CCT6A: variants seen among roughly 807,000 people sequenced by gnomAD.
CCT6A encodes the protein T-complex protein 1 subunit zeta.
In CCT6A, 6 loss-of-function variants were observed where a neutral mutation model predicts 58.6. That is an observed-to-expected ratio of 0.10 (90% CI 0.06 to 0.20). The LOEUF (loss-of-function observed/expected upper bound fraction) is 0.20, where lower values mean the gene tolerates loss of function less well. CCT6A is among the 10% of genes least tolerant of loss of function. The pLI is 1.00. For missense variants in CCT6A, 516 were observed against 648.8 expected (o/e 0.80, Z 2.22); for synonymous variants, 245 against 227.8 (o/e 1.08, Z -0.68).
At chr7:56,061,706 T>G in intron 11 of CCT6A, 41 bp from the exon 12 acceptor site, 1 of 784,116 alleles carries the variant, frequency 1.3e-6, no homozygotes, top group African/African-American at 1.9e-5. Flanking sequence ...CTATCAGTTA[T>G]TAGTTCCTGT....
Position 56,055,744 on chromosome 7 carries a change from A to G in CCT6A, c.457A>G (p.Arg153Gly). 3 of 1,613,732 alleles carry G rather than the reference A, an allele frequency of 1.9e-6. No homozygotes were observed. The highest frequency in any genetic ancestry group is 2.5e-6 in the Non-Finnish European group (3 of 1,179,634). ...MDRETLIDVA[R>G]TSLRTKVHAE... is the part of the protein sequence containing the mutation. ...CAGGGAAACACTTATAGATGTGGCC[A>G]GAACATCTCTTCGTACTAAAGTTCA... The change falls in exon 4 of 14, where the codon AGA (arginine) becomes GGA (glycine). Residue 153 changes from arginine to glycine, a missense_variant. Physicochemically the swap from Arg to Gly is moderately radical, Grantham distance 125. Coordinates refer to ENST00000275603, the MANE Select transcript of CCT6A (RefSeq NM_001762.4).
rs368585749 is a variant in CCT6A at position 56,055,788 on chromosome 7, C to G, written c.501C>G (p.Val167=). 1.2e-6 allele frequency: 2 copies of G among 1,612,540 alleles called. No individual in the cohort carries two copies. Among genetic ancestry groups the G allele is most frequent in the African/African-American group, 1.3e-5 (1 of 74,856 alleles). The change falls in exon 4 of 14, where the codon GTC becomes GTG. Residue 167 remains valine, a synonymous_variant. Coordinates refer to ENST00000275603, the MANE Select transcript of CCT6A (RefSeq NM_001762.4). ...AAGTTCATGCTGAACTTGCAGATGT[C>G]TTAACAGAGGTATGTATTAAATTTT... The part of the protein sequence containing the change: ...RTKVHAELAD[V]LTEAVVDSIL...
intron 11 of CCT6A, among the ~76,000 whole-genome samples, chr7:56,061,393 T>A (rs1408624011): frequency 7.5e-5 from 11 of 146,094 alleles, no homozygotes; most frequent in African/African-American, 2.5e-5. Flanking sequence ...TTTTTTTTTT[T>A]TGAGACAGTT....
chr7:56,056,710 G>A (rs1035811872), intron 5 of CCT6A, among the ~76,000 whole-genome samples: 1 of 150,164 alleles, frequency 6.7e-6, no homozygotes, highest in Non-Finnish European at 1.5e-5. Flanking sequence ...TGACAAGAGC[G>A]AAACCCCGTC....
intron 2 of CCT6A, among the ~76,000 whole-genome samples, 166 bp from the exon 3 acceptor site, chr7:56,054,203 A>G (rs753087613): frequency 6.6e-6 from 1 of 152,256 alleles, no homozygotes; most frequent in Non-Finnish European, 1.5e-5. Flanking sequence ...CGTTTCAATC[A>G]TTATAATTGC....
rs773625806 is a variant in CCT6A, at chr7:56,058,638, T to C, written c.904T>C (p.Leu302=). Reference sequence around the variant, plus strand: ...GTTACAGGGAATTGACCCCTTTTCCTTAGATGCTCTTTCAAAAGAAGGCAT... The same window carrying C: ...GTTACAGGGAATTGACCCCTTTTCCCTAGATGCTCTTTCAAAAGAAGGCAT... ...INQKGIDPFS[L]DALSKEGIVA... is the part of the protein sequence containing the mutation. Residue 302 remains leucine (L), a synonymous_variant, in exon 8 of 14, where the codon TTA becomes CTA. Coordinates refer to ENST00000275603, the MANE Select transcript of CCT6A (RefSeq NM_001762.4). 6.2e-7 allele frequency: 1 copy of C among 1,606,524 alleles called. No homozygotes were observed. The highest frequency in any genetic ancestry group is 8.5e-7 in the Non-Finnish European group (1 of 1,173,644).
intron 1 of CCT6A, 47 bp downstream of exon 1, chr7:56,052,032 C>T (rs1794104176): frequency 1.4e-6 from 2 of 1,383,612 alleles, no homozygotes; most frequent in South Asian, 1.7e-5. Context: ...CGCGCGCCGC[C>T]GCGCTCCTGG....
At position 56,057,118 on chromosome 7, in the gene CCT6A, T is replaced by C. The variant is rs118066511; in HGVS notation, c.614+704T>C. Among the ~76,000 whole-genome samples the C allele has an allele frequency of 2.6e-3, 395 of 152,202 alleles. 2 individuals are homozygous for C. Among genetic ancestry groups the C allele is most frequent in the Non-Finnish European group, 4.0e-3 (270 of 68,012 alleles). ...AAATATCTTTGGATATAAAATGTTA[T>C]ATATTTACCTGAAGATATAAGTTGG... On this transcript the variant is annotated intron_variant, in intron 5 of 13. Coordinates refer to ENST00000275603, the MANE Select transcript of CCT6A (RefSeq NM_001762.4).
intron 5 of CCT6A, among the ~76,000 whole-genome samples, chr7:56,057,198 AATGTT>A (rs1330689354): frequency 2.0e-5 from 3 of 152,188 alleles, no homozygotes; most frequent in African/African-American, 7.2e-5. Flanking sequence ...AAATAAGGTG[AATGTT>A]ATGTTTATGG....
In CCT6A at chr7:56,063,735, G is replaced by T. The variant is rs1794538556; in HGVS notation, c.*650G>T. 6.4e-6 allele frequency: 1 copy of T among 157,228 alleles called. No individual in the cohort carries two copies. Among genetic ancestry groups the T allele is most frequent in the Non-Finnish European group, 1.4e-5 (1 of 71,286 alleles). 9.7% of individuals were successfully genotyped at this position (157,228 alleles called of 1,614,324 possible). A position where few individuals can be genotyped will look rare whatever the true frequency, so the allele number is the denominator to read the frequency against. On this transcript the variant is annotated 3_prime_UTR_variant, in exon 14 of 14. Coordinates refer to ENST00000275603, the MANE Select transcript of CCT6A (RefSeq NM_001762.4). ...ATGATGGAAGGTGTGGTGACTAAGG[G>T]CCACGGTTATTGGGTGAAATTTGAG...
chr7:56,059,857 ATT>A, intron 9 of CCT6A: 8 of 384,848 alleles, frequency 2.1e-5, no homozygotes, highest in East Asian at 9.3e-5. Context: ...TGACTGGCTA[ATT>A]TTTTTTTTTC....
chr7:56,062,295 A>G (rs1794464012), intron 12 of CCT6A, among the ~76,000 whole-genome samples: 1 of 152,244 alleles, frequency 6.6e-6, no homozygotes, highest in Non-Finnish European at 1.5e-5. Flanking sequence ...AACAACACAA[A>G]TTAAGTACAA....
chr7:56,055,978 C>G (rs1794295576), intron 4 of CCT6A, 181 bp downstream of exon 4: 1 of 546,664 alleles, frequency 1.8e-6, no homozygotes, highest in Admixed American at 3.7e-5. Context: ...GTATACCTAA[C>G]CAGGTTATAA....
chr7:56,053,810 TAGAG>T (rs990400692), intron 2 of CCT6A, among the ~76,000 whole-genome samples: 4 of 152,108 alleles, frequency 2.6e-5, no homozygotes, highest in Non-Finnish European at 1.5e-5. Flanking sequence ...ACAGCGTAGG[TAGAG>T]AGAAGCACAT....
chr7:56,057,945 A>G, intron 5 of CCT6A, 48 bp from the exon 6 acceptor site: 1 of 964,556 alleles, frequency 1.0e-6, no homozygotes, highest in South Asian at 1.3e-5. Context: ...AATATATTAA[A>G]TACCCATCTG....
chr7:56,061,668 C>CT lies in CCT6A; in HGVS notation c.1348-53dup, dbSNP rs71015174. 1,387 of 312,478 alleles carry CT rather than the reference C, an allele frequency of 4.4e-3. 17 individuals carry two copies. The highest frequency in any genetic ancestry group is 0.014 in the African/African-American group (358 of 25,920). The allele number at this position is 312,478 out of a possible 1,614,324, so 19.4% of individuals were successfully genotyped here. A position where few individuals can be genotyped will look rare whatever the true frequency, so the allele number is the denominator to read the frequency against. ...GGCCGAGATTTTCTTTTTCTTTTTT[C>CT]TTTTTTTTTTTTTTTTTTTTTTTTT... On this transcript the variant is annotated intron_variant, in intron 11 of 13. Transcript: ENST00000275603.
At chr7:56,055,464 A>T in intron 3 of CCT6A, 160 bp from the exon 4 acceptor site, 1 of 709,546 alleles carries the variant, frequency 1.4e-6, no homozygotes, top group East Asian at 2.5e-5. Context: ...TGAAAGGAAT[A>T]TTTGTCCTTT....
chr7:56,057,935 A>T, intron 5 of CCT6A, 58 bp from the exon 6 acceptor site: 1 of 895,906 alleles, frequency 1.1e-6, no homozygotes, highest in Non-Finnish European at 1.9e-6. Flanking sequence ...TTCAGTGTTT[A>T]ATATATTAAA....
At chr7:56,054,989 A>G (rs1401996165) in intron 3 of CCT6A, among the ~76,000 whole-genome samples, 1 of 152,162 alleles carries the variant, frequency 6.6e-6, no homozygotes, top group East Asian at 1.9e-4. Context: ...AAAGGATAGA[A>G]TAGTCCAGGC....
Sources: gnomAD v4.1 joint callset for allele counts (sites outside exome capture counted in the v4.1 genomes callset) on GRCh38, gnomAD v4.1.1 for gene constraint, MANE v1.5 for transcripts, NCBI Gene and HGNC (gene_info 2026-07-23, HGNC 2026-07-21) for gene names.